Variants in C8orf34 observed in about 807,000 individuals in gnomAD.
C8orf34 encodes uncharacterized protein C8orf34.
A neutral mutation model predicts 68.3 loss-of-function variants in C8orf34; 65 were observed. The ratio of observed to expected loss-of-function variants is 0.95; its 90% CI spans 0.78 to 1.17. The LOEUF is 1.17. C8orf34 is among the 50% of genes most tolerant of loss of function. C8orf34 has a pLI of 0.00. For missense variants in C8orf34, 664 were observed against 655.4 expected, an observed-to-expected ratio of 1.01 and a Z score of -0.14; for synonymous variants, 244 against 241.2, an observed-to-expected ratio of 1.01 and a Z score of -0.11.
intron 7 of C8orf34, among the ~76,000 whole-genome samples, chr8:68,587,559 A>T (rs1817244794): frequency 6.6e-6 from 1 of 152,136 alleles, no homozygotes; most frequent in Non-Finnish European, 1.5e-5. Context: ...TAGGAAAGAT[A>T]GATAAGCATT....
intron 12 of C8orf34, among the ~76,000 whole-genome samples, chr8:68,811,433 C>T (rs1288097349): frequency 6.6e-6 from 1 of 152,142 alleles, no homozygotes; most frequent in Admixed American, 6.5e-5. Context: ...GCCCTTTGGG[C>T]GGGGCTCCCA....
At chr8:68,475,281 C>G (rs1812559172) in intron 4 of C8orf34, among the ~76,000 whole-genome samples, 1 of 152,324 alleles carries the variant, frequency 6.6e-6, no homozygotes, top group African/African-American at 2.4e-5. Flanking sequence ...TGCATCCCCT[C>G]TCTTTGTGCT....
intron 5 of C8orf34, among the ~76,000 whole-genome samples, chr8:68,504,629 C>T (rs1813923183): frequency 6.6e-6 from 1 of 152,066 alleles, no homozygotes; most frequent in South Asian, 2.1e-4. Context: ...CAGCGATTCT[C>T]CTGCCTCAGC....
chr8:68,393,062 T>C (rs1279129916), intron 1 of C8orf34, among the ~76,000 whole-genome samples: 1 of 152,204 alleles, frequency 6.6e-6, no homozygotes, highest in Non-Finnish European at 1.5e-5. Context: ...TGCTGAAGAC[T>C]GAAATGGATG....
intron 7 of C8orf34, among the ~76,000 whole-genome samples, chr8:68,580,485 A>G (rs984849305): frequency 6.6e-6 from 1 of 152,136 alleles, no homozygotes; most frequent in Non-Finnish European, 1.5e-5. Flanking sequence ...TTTATAGTGA[A>G]TGCTCTCAGT....
chr8:68,509,081 C>A (rs910069526), intron 5 of C8orf34, among the ~76,000 whole-genome samples: 1 of 152,090 alleles, frequency 6.6e-6, no homozygotes, highest in Admixed American at 6.6e-5. Flanking sequence ...CTTTCTCATT[C>A]CCCCCTCTAA....
intron 1 of C8orf34, among the ~76,000 whole-genome samples, chr8:68,335,607 A>G (rs1805815700): frequency 6.6e-6 from 1 of 152,184 alleles, no homozygotes; most frequent in South Asian, 2.1e-4. Context: ...TACTTTAATT[A>G]ACATGTTTCT....
chr8:68,703,371 T>C (rs1292345669), intron 8 of C8orf34, among the ~76,000 whole-genome samples: 2 of 152,130 alleles, frequency 1.3e-5, no homozygotes, highest in African/African-American at 4.8e-5. Flanking sequence ...GTCAGTTATT[T>C]TAAATTCAAT....
At chr8:68,734,043 T>C (rs1822058012) in intron 10 of C8orf34, among the ~76,000 whole-genome samples, 1 of 152,158 alleles carries the variant, frequency 6.6e-6, no homozygotes, top group South Asian at 2.1e-4. Context: ...ATCAAGAAAG[T>C]ATTTGCATTC....
At chr8:68,738,111 T>C (rs1822174712) in intron 10 of C8orf34, among the ~76,000 whole-genome samples, 1 of 151,996 alleles carries the variant, frequency 6.6e-6, no homozygotes, top group Non-Finnish European at 1.5e-5. Context: ...TCTCGGACCA[T>C]AGCACAACAA....
Position 68,654,669 on chromosome 8 carries a change from C to G in C8orf34, c.1241+14158C>G, listed in dbSNP as rs114697958. ...ATTTATTTTCAATTTTATTTGAGCCCTGCATATGAAAGCTTCCTATTCTTC... is the reference window on the plus strand; with the variant it reads ...ATTTATTTTCAATTTTATTTGAGCCGTGCATATGAAAGCTTCCTATTCTTC... On this transcript the variant is annotated intron_variant, in intron 8 of 13. Coordinates refer to ENST00000518698, the MANE Select transcript of C8orf34 (RefSeq NM_052958.4). Among the ~76,000 whole-genome samples the G allele has an allele frequency of 5.8e-3, 889 of 152,032 alleles. 15 individuals carry two copies. The highest frequency in any genetic ancestry group is 0.021 in the African/African-American group (853 of 41,478).
At chr8:68,695,843 A>C (rs992622313) in intron 8 of C8orf34, 4 of 152,036 alleles carry the variant, frequency 2.6e-5, no homozygotes, top group Non-Finnish European at 5.9e-5. Context: ...TCTATCATCT[A>C]TCCATCCATT....
chr8:68,641,601 A>G (rs1819012883), intron 8 of C8orf34, among the ~76,000 whole-genome samples: 1 of 152,202 alleles, frequency 6.6e-6, no homozygotes, highest in Non-Finnish European at 1.5e-5. Flanking sequence ...TGGAAGAGTT[A>G]TACGATACTT....
chr8:68,424,671 C>T (rs556571973), intron 1 of C8orf34, among the ~76,000 whole-genome samples: 7 of 152,172 alleles, frequency 4.6e-5, no homozygotes, highest in South Asian at 2.1e-4. Context: ...GAGGCTGAGG[C>T]GGGCAGATCA....
At chr8:68,818,147 A>T in intron 13 of C8orf34, 92 bp from the exon 14 acceptor site, 2 of 1,274,168 alleles carry the variant, frequency 1.6e-6, no homozygotes, top group Non-Finnish European at 2.3e-6. Context: ...GGAATAGAGG[A>T]AAGCATTAAA....
chr8:68,712,849 C>A (rs190199242), intron 9 of C8orf34, among the ~76,000 whole-genome samples: 8 of 152,074 alleles, frequency 5.3e-5, no homozygotes, highest in African/African-American at 1.9e-4. Flanking sequence ...AAACAGTGTA[C>A]CCAACAACTG....
intron 4 of C8orf34, among the ~76,000 whole-genome samples, chr8:68,480,817 G>T (rs1461517552): frequency 7.2e-5 from 11 of 152,180 alleles, no homozygotes; most frequent in Non-Finnish European, 1.5e-4. Flanking sequence ...CATTCAAGAG[G>T]TGACTTGGGT....
chr8:68,405,539 A>G (rs1335270664), intron 1 of C8orf34, among the ~76,000 whole-genome samples: 1 of 152,210 alleles, frequency 6.6e-6, no homozygotes, highest in Admixed American at 6.5e-5. Context: ...GGTTACAGTT[A>G]CTGTGTCACT....
chr8:68,556,294 CTTTT>C (rs201095460), intron 7 of C8orf34, among the ~76,000 whole-genome samples: 6 of 105,840 alleles, frequency 5.7e-5, no homozygotes, highest in Admixed American at 1.0e-4. Flanking sequence ...AGGAGGGAAT[CTTTT>C]TTTTTTTTTT....
Sources: allele counts gnomAD v4.1 joint callset (sites outside exome capture counted in the v4.1 genomes callset), GRCh38; gene constraint gnomAD v4.1.1; transcripts MANE v1.5; gene names NCBI Gene and HGNC (gene_info 2026-07-23, HGNC 2026-07-21).